Variants in BTBD16 observed in about 807,000 individuals in gnomAD.
BTBD16 encodes the protein BTB domain containing 16.
In BTBD16, 66 loss-of-function variants were observed where a neutral mutation model predicts 67.4. That is an observed-to-expected ratio of 0.98 (90% CI 0.80 to 1.20). BTBD16 has a LOEUF of 1.20. Among genes scored for constraint, BTBD16 ranks in the 50% most tolerant of loss-of-function variants. BTBD16 has a pLI of 0.00. For missense variants in BTBD16, 634 were observed against 616.0 expected, an observed-to-expected ratio of 1.03 and a Z score of -0.31; for synonymous variants, 242 against 236.4, an observed-to-expected ratio of 1.02 and a Z score of -0.22.
chr10:122,321,426 T>G (rs1344004287), intron 10 of BTBD16, among the ~76,000 whole-genome samples: 1 of 152,200 alleles, frequency 6.6e-6, no homozygotes. Context: ...CTTTGAGAAA[T>G]CTCCAAACTG....
chr10:122,287,354 T>G (rs2096365822), intron 5 of BTBD16: 1 of 868,352 alleles, frequency 1.2e-6, no homozygotes, highest in East Asian at 1.2e-4. Context: ...AATTTGGAAG[T>G]GGAAATGGAG....
At chr10:122,327,127 G>A (rs376710532) in intron 10 of BTBD16, among the ~76,000 whole-genome samples, 4 of 152,312 alleles carry the variant, frequency 2.6e-5, no homozygotes, top group East Asian at 1.9e-4. Context: ...TAAGACAGTG[G>A]ACCTTGCTAG....
chr10:122,285,550 C>T (rs887791090), intron 4 of BTBD16, among the ~76,000 whole-genome samples: 3 of 152,106 alleles, frequency 2.0e-5, no homozygotes, highest in Admixed American at 6.5e-5. Context: ...GGCTTCATTG[C>T]GGACACTTGG....
chr10:122,329,952 C>G (rs112498433), intron 11 of BTBD16, among the ~76,000 whole-genome samples: 19 of 152,276 alleles, frequency 1.2e-4, no homozygotes, highest in African/African-American at 4.3e-4. Flanking sequence ...CTCCCTTAAC[C>G]TCATGCTCTG....
chr10:122,286,826 C>A (rs1328465637), intron 5 of BTBD16, among the ~76,000 whole-genome samples: 1 of 152,156 alleles, frequency 6.6e-6, no homozygotes, highest in African/African-American at 2.4e-5. Context: ...GTCCTGACCA[C>A]CCCAGCCTCC....
intron 1 of BTBD16, among the ~76,000 whole-genome samples, chr10:122,272,746 TAAAC>T (rs2096331679): frequency 6.6e-6 from 1 of 151,666 alleles, no homozygotes; most frequent in Non-Finnish European, 1.5e-5. Context: ...TTGTTTACCA[TAAAC>T]AAAGTCAAAA....
intron 7 of BTBD16, among the ~76,000 whole-genome samples, chr10:122,294,943 C>T (rs1019525849): frequency 2.0e-5 from 3 of 152,282 alleles, no homozygotes; most frequent in Non-Finnish European, 4.4e-5. Context: ...CTAAAGGCTC[C>T]TGGACCCGAT....
intron 1 of BTBD16, among the ~76,000 whole-genome samples, chr10:122,274,440 T>C (rs1190005437): frequency 6.6e-6 from 1 of 152,216 alleles, no homozygotes; most frequent in Admixed American, 6.5e-5. Context: ...TTCTCCAGTT[T>C]CCTTTTGAGT....
intron 3 of BTBD16, 49 bp downstream of exon 3, chr10:122,276,988 G>A (rs768620995): frequency 3.2e-6 from 5 of 1,586,026 alleles, no homozygotes; most frequent in Non-Finnish European, 4.3e-6. Context: ...TTATTCCTGG[G>A]AGGGGAGGTG....
intron 10 of BTBD16, among the ~76,000 whole-genome samples, chr10:122,312,076 T>C (rs1452820073): frequency 1.3e-5 from 2 of 152,230 alleles, no homozygotes; most frequent in South Asian, 2.1e-4. Flanking sequence ...TATACAACCA[T>C]GTACATGTCT....
At chr10:122,332,249 G>A in intron 12 of BTBD16, 187 bp from the exon 13 acceptor site, 1 of 591,914 alleles carries the variant, frequency 1.7e-6, no homozygotes, top group Non-Finnish European at 3.0e-6. Flanking sequence ...TGGACACAGT[G>A]CCAGACACAG....
chr10:122,279,509 G>T (rs1403705186), intron 3 of BTBD16, among the ~76,000 whole-genome samples: 3 of 13,530 alleles, frequency 2.2e-4, no homozygotes, highest in African/African-American at 4.9e-4. Flanking sequence ...CAGAGAAAGA[G>T]AAACACACAC....
intron 10 of BTBD16, among the ~76,000 whole-genome samples, chr10:122,326,309 A>T (rs924302846): frequency 1.3e-5 from 2 of 152,016 alleles, no homozygotes; most frequent in Non-Finnish European, 2.9e-5. Context: ...CCATCTTCCC[A>T]AACTGAAACT....
intron 10 of BTBD16, chr10:122,328,639 C>G: frequency 7.0e-6 from 3 of 431,288 alleles, no homozygotes; most frequent in Non-Finnish European, 9.3e-6. Context: ...CTACAAGTAC[C>G]CTGGGTGGGT....
At chr10:122,332,201 A>T in intron 12 of BTBD16, 1 of 504,712 alleles carries the variant, frequency 2.0e-6, no homozygotes, top group Non-Finnish European at 3.5e-6. Flanking sequence ...GACTGCTCAG[A>T]TACTTTTTTG....
chr10:122,294,253 G>A (rs1206876590), intron 7 of BTBD16: 18 of 976,254 alleles, frequency 1.8e-5, no homozygotes, highest in African/African-American at 3.5e-5. Flanking sequence ...TCTGTGTAAC[G>A]GAAGTGCCCC....
At chr10:122,337,080 G>A (rs189042332) in intron 15 of BTBD16, among the ~76,000 whole-genome samples, 66 of 152,322 alleles carry the variant, frequency 4.3e-4, no homozygotes, top group African/African-American at 1.6e-3. Flanking sequence ...CAGGCCCACT[G>A]GGGAAGGGCT....
At chr10:122,285,782 T>C (rs1400254078) in intron 4 of BTBD16, among the ~76,000 whole-genome samples, 1 of 152,106 alleles carries the variant, frequency 6.6e-6, no homozygotes, top group Non-Finnish European at 1.5e-5. Context: ...AATGTCCTCG[T>C]TCCATGAAGC....
chr10:122,301,669 T>C (rs966388343), intron 9 of BTBD16, among the ~76,000 whole-genome samples: 1 of 152,194 alleles, frequency 6.6e-6, no homozygotes, highest in Non-Finnish European at 1.5e-5. Context: ...ATTAGGGTGC[T>C]TGTGAGTTTC....
Sources: gnomAD v4.1 joint callset for allele counts (sites outside exome capture counted in the v4.1 genomes callset) on GRCh38, gnomAD v4.1.1 for gene constraint, MANE v1.5 for transcripts, NCBI Gene and HGNC (gene_info 2026-07-23, HGNC 2026-07-21) for gene names.